Variants in ELFN2 observed in about 807,000 individuals in gnomAD.
The protein encoded by ELFN2 is extracellular leucine rich repeat and fibronectin type III domain containing 2.
ELFN2 carries 17 observed loss-of-function variants against 45.5 expected under a neutral mutation model. That is an observed-to-expected ratio of 0.37 (90% CI 0.26 to 0.56). The LOEUF is 0.56. Among genes scored for constraint, ELFN2 ranks in the 20% least tolerant of loss-of-function variants. ELFN2 has a pLI of 0.77. For missense variants in ELFN2, 922 were observed against 1,183.2 expected, an observed-to-expected ratio of 0.78 and a Z score of 3.24; for synonymous variants, 550 against 551.5, an observed-to-expected ratio of 1.00 and a Z score of 0.04.
chr22:37,363,500 G>A (rs943331345), downstream of ELFN2, among the ~76,000 whole-genome samples: 2 of 152,104 alleles, frequency 1.3e-5, no homozygotes, highest in African/African-American at 2.4e-5. Context: ...CGGAAGATGC[G>A]CGGTCTGAGA....
In ELFN2 at chr22:37,374,697, T is replaced by C; in HGVS notation, c.838A>G (p.Ile280Val). The C allele has an allele frequency of 1.2e-6, 2 of 1,611,308 alleles. No individual in the cohort carries two copies. Among genetic ancestry groups the C allele is most frequent in the Non-Finnish European group, 1.7e-6 (2 of 1,177,918 alleles). Residue 280 changes from isoleucine (I) to valine (V), a missense_variant, in exon 3 of 3, where the codon ATC becomes GTC. Ile to Val is a conservative substitution (Grantham distance 29). This residue lies in a region of ELFN2 where 358 missense variants were observed against 540.4 expected (regional missense o/e 0.66). Coordinates refer to ENST00000402918, the MANE Select transcript of ELFN2 (RefSeq NM_052906.5). ...DENSGFNPDE[I>V]LSVEPPASST... ...GAGGCCGGCGGCTCCACCGAAAGGATCTCGTCGGGGTTGAAGCCCGAGTTC... is the reference window on the plus strand; with the variant it reads ...GAGGCCGGCGGCTCCACCGAAAGGACCTCGTCGGGGTTGAAGCCCGAGTTC...
At chr22:37,402,879 C>T (rs1399592576) in intron 2 of ELFN2, among the ~76,000 whole-genome samples, 1 of 152,078 alleles carries the variant, frequency 6.6e-6, no homozygotes, top group South Asian at 2.1e-4. Context: ...TGCTGTGCAC[C>T]GAGCACAGCA....
chr22:37,393,728 G>A (rs1456154385), intron 2 of ELFN2, among the ~76,000 whole-genome samples: 1 of 152,118 alleles, frequency 6.6e-6, no homozygotes, highest in African/African-American at 2.4e-5. Flanking sequence ...GCTGACTCGG[G>A]GTCCCCAGAG....
intron 2 of ELFN2, among the ~76,000 whole-genome samples, chr22:37,389,886 G>A (rs886131975): frequency 1.3e-5 from 2 of 152,166 alleles, no homozygotes; most frequent in Non-Finnish European, 2.9e-5. Flanking sequence ...CGCTCAGGGC[G>A]GCCAGTCGTC....
At chr22:37,392,874 C>T (rs901835139) in intron 2 of ELFN2, among the ~76,000 whole-genome samples, 5 of 152,216 alleles carry the variant, frequency 3.3e-5, no homozygotes, top group African/African-American at 4.8e-5. Flanking sequence ...CAGCAGCTCA[C>T]GCACCCCTTT....
At chr22:37,422,622 C>T (rs1450322527) in intron 1 of ELFN2, among the ~76,000 whole-genome samples, 1 of 152,022 alleles carries the variant, frequency 6.6e-6, no homozygotes, top group African/African-American at 2.4e-5. Context: ...GAGACGGAGC[C>T]TCACTCTGTC....
chr22:37,368,930 T>C lies in ELFN2; in HGVS notation c.*4142A>G, dbSNP rs548250986. Reference sequence around the variant, plus strand: ...TCTGGCTCCTCTTGTCATTCACAGCTTGGCTCCCTGTCCCCCCATCCCACA... The same window carrying C: ...TCTGGCTCCTCTTGTCATTCACAGCCTGGCTCCCTGTCCCCCCATCCCACA... On this transcript the variant is annotated 3_prime_UTR_variant, in exon 3 of 3. Coordinates refer to ENST00000402918, the MANE Select transcript of ELFN2 (RefSeq NM_052906.5). 21 of 124,916 alleles carry C rather than the reference T, an allele frequency of 1.7e-4. No homozygotes were observed. The highest frequency in any genetic ancestry group is 6.4e-4 in the African/African-American group (21 of 33,066). 7.7% of individuals were successfully genotyped at this position (124,916 alleles called of 1,614,324 possible).
intron 1 of ELFN2, among the ~76,000 whole-genome samples, chr22:37,347,993 C>T (rs187814408): frequency 2.0e-5 from 3 of 152,336 alleles, no homozygotes; most frequent in Admixed American, 2.0e-4. Flanking sequence ...GGGAGTCCCT[C>T]GTTCTGCTGA....
chr22:37,385,822 A>G (rs527695808), intron 2 of ELFN2, among the ~76,000 whole-genome samples: 1 of 152,278 alleles, frequency 6.6e-6, no homozygotes, highest in South Asian at 2.1e-4. Context: ...CAGGATACTA[A>G]CAGCATGGAT....
intron 2 of ELFN2, among the ~76,000 whole-genome samples, chr22:37,342,360 A>G (rs1930578380): frequency 6.6e-6 from 1 of 152,072 alleles, no homozygotes. Context: ...TCCCTCTAGC[A>G]GCACCTGTTC....
intron 2 of ELFN2, among the ~76,000 whole-genome samples, chr22:37,394,561 C>A (rs1415523984): frequency 6.6e-6 from 1 of 152,196 alleles, no homozygotes; most frequent in Non-Finnish European, 1.5e-5. Flanking sequence ...CGTCAGGGGG[C>A]CGCAGTGGCC....
intron 2 of ELFN2, among the ~76,000 whole-genome samples, chr22:37,401,729 C>T (rs1166840461): frequency 1.3e-5 from 2 of 152,208 alleles, no homozygotes; most frequent in East Asian, 3.8e-4. Context: ...GCAGCCCTCC[C>T]TTTAATGCAT....
At chr22:37,365,176 A>G (rs1463024055), downstream of ELFN2, among the ~76,000 whole-genome samples, 1 of 151,618 alleles carries the variant, frequency 6.6e-6, no homozygotes, top group East Asian at 1.9e-4. Context: ...GAGACTAAAT[A>G]AAGGAGACCC....
chr22:37,416,103 G>T (rs1414297683), intron 2 of ELFN2, among the ~76,000 whole-genome samples: 1 of 152,232 alleles, frequency 6.6e-6, no homozygotes, highest in Non-Finnish European at 1.5e-5. Context: ...TTTACAGAGG[G>T]GGAAACTGAG....
At chr22:37,415,957 C>T (rs753273654) in intron 2 of ELFN2, among the ~76,000 whole-genome samples, 1 of 151,822 alleles carries the variant, frequency 6.6e-6, no homozygotes, top group African/African-American at 2.4e-5. Flanking sequence ...AGCGAGACTC[C>T]GTCTCAAAAA....
At chr22:37,365,778 G>T, downstream of ELFN2, among the ~76,000 whole-genome samples, 1 of 152,280 alleles carries the variant, frequency 6.6e-6, no homozygotes, top group East Asian at 1.9e-4. Flanking sequence ...CATTATCCAC[G>T]AGGTACAGCC....
At chr22:37,416,606 A>G (rs1312870661) in intron 2 of ELFN2, among the ~76,000 whole-genome samples, 1 of 152,060 alleles carries the variant, frequency 6.6e-6, no homozygotes, top group Admixed American at 6.5e-5. Context: ...GGCTGGGTGG[A>G]GGCACTGGGA....
chr22:37,394,301 T>G (rs1932155319), intron 2 of ELFN2, among the ~76,000 whole-genome samples: 1 of 152,210 alleles, frequency 6.6e-6, no homozygotes, highest in Admixed American at 6.5e-5. Context: ...GGGTCTCTAG[T>G]GTGCCCCAAG....
At position 37,375,612 on chromosome 22, in the gene ELFN2, C is replaced by A; in HGVS notation, c.-78G>T. ...CAGAGGCTGGGGCTGGCAGTACAGT[C>A]CTCCCTGGGGCCGCCACCATCTTGG... On this transcript the variant is annotated 5_prime_UTR_variant, in exon 3 of 3. Transcript: ENST00000402918. 6.9e-7 allele frequency: 1 copy of A among 1,449,686 alleles called. No individual in the cohort carries two copies. The highest frequency in any genetic ancestry group is 1.5e-5 in the South Asian group (1 of 68,424). 89.8% of individuals were successfully genotyped at this position (1,449,686 alleles called of 1,614,324 possible).
Sources: gnomAD v4.1 joint callset for allele counts (sites outside exome capture counted in the v4.1 genomes callset) on GRCh38, gnomAD v4.1.1 for gene constraint, gnomAD v4.1.1 regional missense constraint, MANE v1.5 for transcripts, NCBI Gene and HGNC (gene_info 2026-07-23, HGNC 2026-07-21) for gene names.